Variants in BMAL2 observed in about 807,000 individuals in gnomAD.
The protein encoded by BMAL2 is basic helix-loop-helix ARNT like 2.
At chr12:27,377,207 C>T in the BMAL2 span, among the ~76,000 whole-genome samples, 2 of 152,242 alleles carry the variant, frequency 1.3e-5, no homozygotes, top group African/African-American at 2.4e-5. Context: ...TAACTGTACA[C>T]AGAATTAGGA....
chr12:27,342,832 A>T, the BMAL2 span, among the ~76,000 whole-genome samples: 1 of 152,256 alleles, frequency 6.6e-6, no homozygotes, highest in Non-Finnish European at 1.5e-5. Flanking sequence ...TTCTCCATGC[A>T]TCATGGTGCT....
the BMAL2 span, among the ~76,000 whole-genome samples, chr12:27,402,200 G>A: frequency 2.6e-5 from 4 of 151,978 alleles, no homozygotes; most frequent in East Asian, 1.9e-4. Context: ...GGATGGCCCC[G>A]TTGTAAGTCT....
the BMAL2 span, among the ~76,000 whole-genome samples, chr12:27,379,413 G>A: frequency 6.6e-6 from 1 of 152,188 alleles, no homozygotes; most frequent in Non-Finnish European, 1.5e-5. Context: ...ATCTCAGGGT[G>A]AATAAAGAGT....
At chr12:27,371,334 G>A in the BMAL2 span, among the ~76,000 whole-genome samples, 2 of 152,074 alleles carry the variant, frequency 1.3e-5, no homozygotes, top group Non-Finnish European at 2.9e-5. Flanking sequence ...GGTGACAAGA[G>A]TGAGGCCCTA....
the BMAL2 span, among the ~76,000 whole-genome samples, chr12:27,353,362 C>T: frequency 1.3e-5 from 2 of 152,176 alleles, no homozygotes; most frequent in African/African-American, 4.8e-5. Context: ...GCTAGGATAA[C>T]TGGCTAGCCA....
the BMAL2 span, among the ~76,000 whole-genome samples, chr12:27,378,991 G>A: frequency 2.0e-5 from 3 of 151,854 alleles, no homozygotes; most frequent in Non-Finnish European, 4.4e-5. Flanking sequence ...ATTGTCTTGG[G>A]CCACACATAA....
the BMAL2 span, among the ~76,000 whole-genome samples, chr12:27,377,876 T>A: frequency 6.6e-6 from 1 of 152,218 alleles, no homozygotes; most frequent in Admixed American, 6.5e-5. Flanking sequence ...TCCAGGAGTG[T>A]CATTGCCGAG....
the BMAL2 span, chr12:27,403,472 C>T: frequency 6.2e-7 from 1 of 1,611,244 alleles, no homozygotes; most frequent in Non-Finnish European, 8.5e-7. Flanking sequence ...CCTGGAATGT[C>T]TACTGGAACA....
At chr12:27,413,226 C>A in the BMAL2 span, among the ~76,000 whole-genome samples, 2 of 152,080 alleles carry the variant, frequency 1.3e-5, no homozygotes, top group African/African-American at 4.8e-5. Context: ...TAGTCAAATT[C>A]AAAATACTCT....
At chr12:27,398,758 T>C in the BMAL2 span, among the ~76,000 whole-genome samples, 5 of 152,208 alleles carry the variant, frequency 3.3e-5, no homozygotes, top group Admixed American at 6.5e-5. Context: ...AGATTACATA[T>C]ATAAATTAAA....
chr12:27,388,467 T>A, the BMAL2 span, among the ~76,000 whole-genome samples: 1 of 151,788 alleles, frequency 6.6e-6, no homozygotes. Flanking sequence ...AGAAGAGGGG[T>A]GGCCACTGTG....
chr12:27,422,309 G>A, the BMAL2 span: 1 of 152,018 alleles, frequency 6.6e-6, no homozygotes, highest in African/African-American at 2.4e-5. Flanking sequence ...TGTTCTATAT[G>A]GTGCTACATC....
chr12:27,368,262 G>T, the BMAL2 span: 8 of 1,614,006 alleles, frequency 5.0e-6, no homozygotes, highest in Admixed American at 1.3e-4. Flanking sequence ...CTGCCCATAG[G>T]TAAAGTGTTG....
the BMAL2 span, among the ~76,000 whole-genome samples, chr12:27,350,824 C>T: frequency 4.0e-5 from 6 of 151,736 alleles, no homozygotes; most frequent in Admixed American, 2.0e-4. Context: ...GGATTACAGG[C>T]GCCCACCACC....
the BMAL2 span, among the ~76,000 whole-genome samples, chr12:27,391,173 T>C: frequency 2.6e-5 from 4 of 152,286 alleles, no homozygotes; most frequent in Middle Eastern, 6.8e-3. Context: ...AGATAGTTTT[T>C]CAACCCACAC....
the BMAL2 span, among the ~76,000 whole-genome samples, chr12:27,369,037 G>A: frequency 1.4e-4 from 22 of 152,318 alleles, no homozygotes; most frequent in Admixed American, 9.8e-4. Context: ...CTACGCAGGC[G>A]GCTGAGGTAG....
the BMAL2 span, chr12:27,385,624 G>C: frequency 2.7e-6 from 3 of 1,103,682 alleles, no homozygotes. Flanking sequence ...ATAGGAGGCA[G>C]ATTTTCTTCC....
At chr12:27,377,859 A>G in the BMAL2 span, among the ~76,000 whole-genome samples, 3 of 152,158 alleles carry the variant, frequency 2.0e-5, no homozygotes, top group Non-Finnish European at 2.9e-5. Context: ...AACAGTGTGT[A>G]TTTTGTTCCA....
the BMAL2 span, among the ~76,000 whole-genome samples, chr12:27,365,842 A>G: frequency 1.3e-5 from 2 of 150,554 alleles, no homozygotes; most frequent in East Asian, 2.0e-4. Context: ...TTTATATTCT[A>G]TTTCATTATT....
Sources: allele counts gnomAD v4.1 joint callset (sites outside exome capture counted in the v4.1 genomes callset), GRCh38; gene constraint gnomAD v4.1.1; transcripts MANE v1.5; gene names NCBI Gene and HGNC (gene_info 2026-07-23, HGNC 2026-07-21).